Variants in DDX21 observed in about 807,000 individuals in gnomAD.
DDX21 encodes the protein DExD-box helicase 21.
In DDX21, 18 loss-of-function variants were observed where a neutral mutation model predicts 90.0. That is an observed-to-expected ratio of 0.20 (90% CI 0.14 to 0.30). The LOEUF (loss-of-function observed/expected upper bound fraction) is 0.30. Ranked by LOEUF, DDX21 falls within the 10% of genes least tolerant of loss-of-function variation. DDX21 has a pLI of 1.00. For missense variants in DDX21, 673 were observed against 944.5 expected (o/e 0.71, Z 3.77); for synonymous variants, 294 against 318.0 (o/e 0.92, Z 0.80).
chr10:68,956,695 A>G (rs759184404), intron 1 of DDX21: 167 of 1,051,700 alleles, frequency 1.6e-4, no homozygotes, highest in Non-Finnish European at 1.8e-4. Flanking sequence ...GTTGTTGGCT[A>G]AGACAGAACT....
At position 68,965,363 on chromosome 10, in the gene DDX21, T is replaced by A; in HGVS notation, c.787-14T>A. Reference sequence around the variant, plus strand: ...CTACACAGTAATTTGAATTCAATTATTTTTCTTTATCAGGTACTGGTTCTT... The same window carrying A: ...CTACACAGTAATTTGAATTCAATTAATTTTCTTTATCAGGTACTGGTTCTT... On this transcript the variant is annotated splice_polypyrimidine_tract_variant and intron_variant, in intron 4 of 14. Coordinates refer to ENST00000354185, the MANE Select transcript of DDX21 (RefSeq NM_004728.4). The A allele has an allele frequency of 6.3e-7, 1 of 1,597,932 alleles. No individual in the cohort carries two copies. Among genetic ancestry groups the A allele is most frequent in the Non-Finnish European group, 8.6e-7 (1 of 1,166,992 alleles).
chr10:68,982,811 A>G lies in DDX21; in HGVS notation c.2351A>G (p.Ter784=). 6.2e-7 allele frequency: 1 copy of G among 1,613,700 alleles called. No homozygotes were observed. Among genetic ancestry groups the G allele is most frequent in the South Asian group, 1.1e-5 (1 of 91,078 alleles). The change falls in exon 15 of 15, where the codon TAA becomes TGA. Residue 784 remains the stop codon, a stop_retained_variant. Coordinates refer to ENST00000354185, the MANE Select transcript of DDX21 (RefSeq NM_004728.4). ...AGTTTCAGTAAAGCATTTGGTCAATAATTAGAAATAGAAGATTTATATAGC... is the reference window on the plus strand; with the variant it reads ...AGTTTCAGTAAAGCATTTGGTCAATGATTAGAAATAGAAGATTTATATAGC... ...KRSFSKAFGQ[*] is the part of the protein sequence containing the mutation.
In DDX21 at chr10:68,956,296, G is replaced by A. The variant is rs1842792433; in HGVS notation, c.71G>A (p.Arg24Gln). ...GCAATGAAAAAAGGGGAGACACTGC[G>A]AAAGCAAACCGAGGAGGTGAAACGG... Reference protein sequence around the residue: ...DTAMKKGETLRKQTEEKEKKE... With the variant: ...DTAMKKGETLQKQTEEKEKKE... The change falls in exon 1 of 15, where the codon CGA (arginine) becomes CAA (glutamine). Residue 24 changes from arginine (R) to glutamine (Q), a missense_variant. Around this residue, in one of 4 missense-constraint regions of DDX21, gnomAD observed 204 missense variants for 221.6 expected, o/e 0.92. Coordinates refer to ENST00000354185, the MANE Select transcript of DDX21 (RefSeq NM_004728.4). 6.2e-7 allele frequency: 1 copy of A among 1,614,202 alleles called. No individual in the cohort carries two copies. Among genetic ancestry groups the A allele is most frequent in the South Asian group, 1.1e-5 (1 of 91,088 alleles).
chr10:68,963,552 T>C, intron 4 of DDX21, 83 bp downstream of exon 4: 1 of 1,310,628 alleles, frequency 7.6e-7, no homozygotes, highest in Non-Finnish European at 1.0e-6. Flanking sequence ...TACTATTTTT[T>C]ATTGAGTTCT....
chr10:68,979,566 C>T (rs1053904608), intron 13 of DDX21, among the ~76,000 whole-genome samples: 5 of 152,282 alleles, frequency 3.3e-5, no homozygotes, highest in Non-Finnish European at 4.4e-5. Context: ...GATTTTATCA[C>T]GTCATATATG....
At position 68,960,181 on chromosome 10, in the gene DDX21, C is replaced by T. The variant is rs748279008; in HGVS notation, c.463C>T (p.Pro155Ser). Residue 155 changes from proline to serine, a missense_variant, in exon 2 of 15, where the codon CCT becomes TCT. Pro to Ser is a moderately conservative substitution (Grantham distance 74). Around this residue, in one of 4 missense-constraint regions of DDX21, gnomAD observed 204 missense variants for 221.6 expected, o/e 0.92. Transcript: ENST00000354185. ...EKSPKLKNGFPHPEPDCNPSE... is the reference protein window; with the variant it reads ...EKSPKLKNGFSHPEPDCNPSE... The stretch of plus-strand genomic sequence containing the variant: ...AAGCCCCAAACTGAAGAATGGATTT[C>T]CTCATCCTGAACCGGACTGTAACCC... The T allele has an allele frequency of 5.8e-5, 94 of 1,613,390 alleles. No individual in the cohort carries two copies. Among genetic ancestry groups the T allele is most frequent in the Non-Finnish European group, 6.3e-5 (74 of 1,179,894 alleles).
chr10:68,974,119 A>C (rs1843062381), intron 10 of DDX21, among the ~76,000 whole-genome samples: 1 of 152,192 alleles, frequency 6.6e-6, no homozygotes, highest in African/African-American at 2.4e-5. Context: ...GAATAGAGTA[A>C]GGTGGGGAGT....
chr10:68,964,798 T>C (rs1842920292), intron 4 of DDX21, among the ~76,000 whole-genome samples: 2 of 148,978 alleles, frequency 1.3e-5, no homozygotes, highest in South Asian at 4.3e-4. Context: ...GGATTACAAG[T>C]GTGAGCCACC....
At chr10:68,965,312 T>A (rs1176678989) in intron 4 of DDX21, 65 bp from the exon 5 acceptor site, 1 of 1,297,604 alleles carries the variant, frequency 7.7e-7, no homozygotes, top group Non-Finnish European at 1.1e-6. Context: ...ATGCTGTTCT[T>A]TAAGGACTAG....
At chr10:68,970,480 A>T in intron 8 of DDX21, 130 bp downstream of exon 8, 4 of 877,262 alleles carry the variant, frequency 4.6e-6, no homozygotes, top group Non-Finnish European at 4.8e-6. Context: ...AATGAGAGGA[A>T]GCTACTTTTT....
At chr10:68,976,509 A>T (rs565744834) in intron 11 of DDX21, among the ~76,000 whole-genome samples, 1 of 152,064 alleles carries the variant, frequency 6.6e-6, no homozygotes, top group Non-Finnish European at 1.5e-5. Context: ...GGATGGTCTC[A>T]ATCTCCTGAC....
At chr10:68,961,585 C>T (rs1244104672) in intron 2 of DDX21, among the ~76,000 whole-genome samples, 4 of 152,088 alleles carry the variant, frequency 2.6e-5, no homozygotes, top group Non-Finnish European at 5.9e-5. Context: ...TTACATAATC[C>T]TTCATATAAA....
At chr10:68,979,809 A>G (rs1843160195) in intron 13 of DDX21, among the ~76,000 whole-genome samples, 1 of 152,190 alleles carries the variant, frequency 6.6e-6, no homozygotes, top group Non-Finnish European at 1.5e-5. Context: ...TCATAGGAGG[A>G]TAAGATCCTT....
rs770384170 is a variant in DDX21, at chr10:68,982,832, A to G, written c.*20A>G. 3.7e-6 allele frequency: 6 copies of G among 1,611,976 alleles called. No individual in the cohort carries two copies. The highest frequency in any genetic ancestry group is 3.3e-5 in the Admixed American group (2 of 59,848). On this transcript the variant is annotated 3_prime_UTR_variant, in exon 15 of 15. Coordinates refer to ENST00000354185, the MANE Select transcript of DDX21 (RefSeq NM_004728.4). ...CAATAATTAGAAATAGAAGATTTAT[A>G]TAGCAAAAAGAGAATGATGTTTGGC...
chr10:68,957,931 A>G (rs1842820855), intron 1 of DDX21, among the ~76,000 whole-genome samples: 1 of 152,110 alleles, frequency 6.6e-6, no homozygotes, highest in South Asian at 2.1e-4. Flanking sequence ...TAGTATGAAA[A>G]GTTGTAGAGG....
chr10:68,969,712 C>G (rs889388792), intron 7 of DDX21, among the ~76,000 whole-genome samples: 1 of 152,156 alleles, frequency 6.6e-6, no homozygotes, highest in African/African-American at 2.4e-5. Flanking sequence ...GCAGAGAAAT[C>G]TAGTGCTTTG....
At chr10:68,977,822 T>A in intron 12 of DDX21, 134 bp downstream of exon 12, 1 of 1,008,156 alleles carries the variant, frequency 9.9e-7, no homozygotes, top group Non-Finnish European at 1.4e-6. Flanking sequence ...ATTTTACAAT[T>A]TCTGGCCAGA....
At chr10:68,971,694 G>C (rs148204651) in intron 8 of DDX21, among the ~76,000 whole-genome samples, 197 bp from the exon 9 acceptor site, 2 of 152,318 alleles carry the variant, frequency 1.3e-5, no homozygotes, top group East Asian at 3.9e-4. Context: ...AGTAAAGTTG[G>C]ATACAGTTGG....
intron 1 of DDX21, 135 bp from the exon 2 acceptor site, chr10:68,959,671 T>C (rs1842847332): frequency 1.5e-6 from 1 of 684,288 alleles, no homozygotes; most frequent in Non-Finnish European, 2.2e-6. Flanking sequence ...AGCATGAAAG[T>C]ACAAATGTCG....
Sources: gnomAD v4.1 joint callset for allele counts (sites outside exome capture counted in the v4.1 genomes callset) on GRCh38, gnomAD v4.1.1 for gene constraint, gnomAD v4.1.1 regional missense constraint, MANE v1.5 for transcripts, NCBI Gene and HGNC (gene_info 2026-07-23, HGNC 2026-07-21) for gene names.